The following AFTPH variants were observed in gnomAD, a reference collection of about 807,000 sequenced individuals.
AFTPH encodes the protein aftiphilin protein.
A neutral mutation model predicts 72.5 loss-of-function variants in AFTPH; 7 were observed. The ratio of observed to expected loss-of-function variants is 0.10; its 90% confidence interval spans 0.05 to 0.18. The LOEUF (loss-of-function observed/expected upper bound fraction) is 0.18, where lower values mean the gene tolerates loss of function less well. Among genes scored for constraint, AFTPH ranks in the 10% least tolerant of loss-of-function variants. AFTPH has a pLI of 1.00. For synonymous variants in AFTPH, 337 were observed against 370.1 expected (o/e 0.91, Z 1.03); for missense variants, 979 against 1,060.5 (o/e 0.92, Z 1.07).
chr2:64,552,898 G>C (rs373821783), exon 2 of AFTPH: 3 of 1,614,174 alleles, frequency 1.9e-6, no homozygotes, highest in Non-Finnish European at 2.5e-6. Flanking sequence ...AGTGAACCAG[G>C]TGATGACTTT....
chr2:64,577,222 C>T (rs1429567359), intron 6 of AFTPH, among the ~76,000 whole-genome samples: 1 of 152,212 alleles, frequency 6.6e-6, no homozygotes, highest in African/African-American at 2.4e-5. Flanking sequence ...AGTAATAATT[C>T]ATACCACATT....
At chr2:64,546,788 A>C (rs1670657695) in intron 1 of AFTPH, among the ~76,000 whole-genome samples, 1 of 151,630 alleles carries the variant, frequency 6.6e-6, no homozygotes, top group Non-Finnish European at 1.5e-5. Context: ...TGATCCCAGC[A>C]CTTTGGGAGG....
chr2:64,553,853 C>T (rs1671200817), intron 2 of AFTPH, among the ~76,000 whole-genome samples: 1 of 150,918 alleles, frequency 6.6e-6, no homozygotes, highest in Non-Finnish European at 1.5e-5. Context: ...TAATTTTTTC[C>T]ATCAAAGACC....
intron 3 of AFTPH, among the ~76,000 whole-genome samples, chr2:64,568,039 T>C (rs1014899807): frequency 5.4e-5 from 8 of 148,342 alleles, no homozygotes; most frequent in Non-Finnish European, 1.0e-4. Context: ...AGGCTCTATC[T>C]CCAAAAAAAA....
chr2:64,567,510 GATATT>G (rs1020079408), intron 2 of AFTPH, 47 bp from the exon 3 acceptor site: 2 of 1,558,530 alleles, frequency 1.3e-6, no homozygotes, highest in Non-Finnish European at 1.7e-6. Flanking sequence ...CTATAACTAT[GATATT>G]ATCAAAATTA....
At position 64,552,284 on chromosome 2, in the gene AFTPH, C is replaced by G. The variant is rs181965139; in HGVS notation, c.810C>G (p.Val270=). Reference sequence around the variant, plus strand: ...GGGAAAACAATAAAATTAATAGAGTCAATGAACTGAATTCTGTAAAAGAAG... The same window carrying G: ...GGGAAAACAATAAAATTAATAGAGTGAATGAACTGAATTCTGTAAAAGAAG... Residue 270 remains valine, a synonymous_variant, in exon 2 of 9, where the codon GTC becomes GTG. Coordinates refer to ENST00000238856, the Ensembl canonical transcript of AFTPH. The G allele has an allele frequency of 5.0e-6, 8 of 1,614,016 alleles. No homozygotes were observed. The Admixed American group carries it at 1.3e-4, about 27-fold the overall frequency.
At chr2:64,528,438 G>C (rs542783566) in intron 1 of AFTPH, among the ~76,000 whole-genome samples, 1 of 152,262 alleles carries the variant, frequency 6.6e-6, no homozygotes, top group South Asian at 2.1e-4. Flanking sequence ...ACACATTTGT[G>C]TACATATTTG....
At position 64,572,858 on chromosome 2, in the gene AFTPH, T is replaced by C. The variant is rs1298871164; in HGVS notation, c.2272-88T>C. 3.9e-6 allele frequency: 6 copies of C among 1,541,064 alleles called. No homozygotes were observed. In the Admixed American group the frequency reaches 1.2e-4, roughly 31 times the overall value. On this transcript the variant is annotated intron_variant, in intron 5 of 8. Transcript: ENST00000238856. The stretch of plus-strand genomic sequence containing the variant: ...TCTTCAGTACTTTCCAAGTGACCTG[T>C]TTTTTACCTTCTTCTTTCTGATAGA...
chr2:64,590,876 T>TGCCAG (rs1313640198), intron 8 of AFTPH, among the ~76,000 whole-genome samples: 2 of 152,206 alleles, frequency 1.3e-5, no homozygotes, highest in Non-Finnish European at 2.9e-5. Flanking sequence ...CCTGGCTTCC[T>TGCCAG]GCACCCCATC....
intron 2 of AFTPH, among the ~76,000 whole-genome samples, chr2:64,564,339 A>G (rs573688446): frequency 2.6e-5 from 4 of 152,306 alleles, no homozygotes; most frequent in African/African-American, 9.6e-5. Context: ...CATTTGTATA[A>G]TAACAGTAGT....
chr2:64,569,491 C>T, intron 4 of AFTPH, 132 bp from the exon 5 acceptor site: 1 of 1,065,914 alleles, frequency 9.4e-7, no homozygotes, highest in Non-Finnish European at 1.4e-6. Flanking sequence ...CCCATATGGG[C>T]AATTTTTAAG....
intron 1 of AFTPH, among the ~76,000 whole-genome samples, chr2:64,526,261 T>G (rs1669258618): frequency 6.6e-6 from 1 of 152,346 alleles, no homozygotes. Context: ...TTTGTTCTGC[T>G]TACATTTAGT....
chr2:64,582,005 T>C (rs370153483), intron 7 of AFTPH, among the ~76,000 whole-genome samples: 4 of 152,388 alleles, frequency 2.6e-5, no homozygotes, highest in African/African-American at 9.6e-5. Context: ...TAATGTACTT[T>C]GTCACTTTCT....
intron 2 of AFTPH, among the ~76,000 whole-genome samples, chr2:64,557,555 C>T (rs956607010): frequency 6.6e-6 from 1 of 152,208 alleles, no homozygotes; most frequent in African/African-American, 2.4e-5. Flanking sequence ...TCTCGGCTCA[C>T]TGCAGCCTAT....
At chr2:64,565,758 ATCTT>A (rs1672046076) in intron 2 of AFTPH, among the ~76,000 whole-genome samples, 1 of 152,206 alleles carries the variant, frequency 6.6e-6, no homozygotes, top group South Asian at 2.1e-4. Context: ...CTCCTGCTCT[ATCTT>A]ATTCAACGTA....
chr2:64,551,296 C>T, intron 1 of AFTPH, 147 bp from the exon 2 acceptor site: 2 of 606,902 alleles, frequency 3.3e-6, no homozygotes, highest in Non-Finnish European at 5.4e-6. Flanking sequence ...AGATACAAAA[C>T]ATCATGCAGG....
intron 1 of AFTPH, among the ~76,000 whole-genome samples, chr2:64,532,697 T>C (rs1342156715): frequency 1.3e-5 from 2 of 152,082 alleles, no homozygotes; most frequent in Non-Finnish European, 2.9e-5. Flanking sequence ...TGGAATCAAG[T>C]GGAGAGGTCT....
exon 9 of AFTPH, chr2:64,592,662 A>G (rs1409839249): frequency 6.6e-6 from 1 of 152,602 alleles, no homozygotes; most frequent in African/African-American, 2.4e-5. Flanking sequence ...GGAGGGGTTT[A>G]AAGAGATTGT....
chr2:64,533,187 C>A (rs193181893), intron 1 of AFTPH, among the ~76,000 whole-genome samples: 1 of 151,976 alleles, frequency 6.6e-6, no homozygotes, highest in African/African-American at 2.4e-5. Flanking sequence ...TGCTTGAGCT[C>A]CAGAGTTTGA....
Sources: allele counts gnomAD v4.1 joint callset (sites outside exome capture counted in the v4.1 genomes callset), GRCh38; gene constraint gnomAD v4.1.1; transcripts MANE v1.5; gene names NCBI Gene and HGNC (gene_info 2026-07-23, HGNC 2026-07-21).